Variants in ANKS1B observed in about 807,000 individuals in gnomAD.
ANKS1B encodes ankyrin repeat and sterile alpha motif domain containing 1B, also known as ankyrin repeat and sterile alpha motif domain-containing protein 1B.
In ANKS1B, 36 loss-of-function variants were observed where a neutral mutation model predicts 148.3. The observed-to-expected ratio is 0.24, with a 90% confidence interval of 0.19 to 0.32. ANKS1B has a LOEUF of 0.32. Among genes scored for constraint, ANKS1B ranks in the 10% least tolerant of loss-of-function variants. The pLI is 1.00. For synonymous variants in ANKS1B, 542 were observed against 560.8 expected (o/e 0.97, Z 0.47); for missense variants, 1,157 against 1,542.6 (o/e 0.75, Z 4.19).
chr12:98,982,494 A>G (rs1363236045), intron 17 of ANKS1B, among the ~76,000 whole-genome samples: 2 of 152,178 alleles, frequency 1.3e-5, no homozygotes, highest in Non-Finnish European at 2.9e-5. Flanking sequence ...CTTAGAAATG[A>G]CTACTTCCCT....
In ANKS1B at chr12:98,829,481, G is replaced by A. The variant is rs1210588961; in HGVS notation, c.2887-128C>T. 1.2e-6 allele frequency: 1 copy of A among 807,332 alleles called. No homozygotes were observed. The highest frequency in any genetic ancestry group is 2.0e-6 in the Non-Finnish European group (1 of 509,796). 50.0% of individuals were successfully genotyped at this position (807,332 alleles called of 1,614,324 possible). On this transcript the variant is annotated intron_variant, in intron 18 of 26. Transcript: ENST00000683438. This position sits in a 1 kb window ranked among gnomAD's most constrained non-coding sequence, Gnocchi z 5.2. ...GCTTTTGAAGCAACAGCCAAGGAAT[G>A]AATGACATTCCACCACTTTATTAAT...
chr12:98,949,913 T>C (rs1469597595), intron 17 of ANKS1B: 1 of 152,160 alleles, frequency 6.6e-6, no homozygotes, highest in Non-Finnish European at 1.5e-5. Flanking sequence ...TCTCAAGAGA[T>C]AGCCTCTAGA....
chr12:99,167,734 G>C (rs1419937329), intron 14 of ANKS1B, among the ~76,000 whole-genome samples: 1 of 151,828 alleles, frequency 6.6e-6, no homozygotes, highest in Middle Eastern at 3.2e-3. Context: ...ATGCCATACA[G>C]AGACTTGTAT....
chr12:99,532,754 T>C (rs963326265), intron 9 of ANKS1B, among the ~76,000 whole-genome samples: 2 of 152,232 alleles, frequency 1.3e-5, no homozygotes, highest in African/African-American at 4.8e-5. Flanking sequence ...TATTCCATTT[T>C]CTCAGCACCA....
chr12:98,780,135 A>G (rs1222596816), intron 24 of ANKS1B, among the ~76,000 whole-genome samples: 1 of 152,154 alleles, frequency 6.6e-6, no homozygotes, highest in African/African-American at 2.4e-5. Context: ...CTTGGCCCTA[A>G]GTTGCTGTTT....
intron 14 of ANKS1B, among the ~76,000 whole-genome samples, chr12:99,158,182 G>A (rs1353994129): frequency 6.6e-6 from 1 of 152,144 alleles, no homozygotes; most frequent in Non-Finnish European, 1.5e-5. Context: ...CAGGTCTGAA[G>A]ATCACTCTGT....
chr12:98,798,539 T>C (rs1357285509), intron 22 of ANKS1B, among the ~76,000 whole-genome samples: 1 of 152,132 alleles, frequency 6.6e-6, no homozygotes, highest in Non-Finnish European at 1.5e-5. Context: ...ATTAGCTTTA[T>C]ATAATATGCT....
chr12:99,873,985 CCTTAAAA>C (rs1016108450), intron 1 of ANKS1B, among the ~76,000 whole-genome samples: 1 of 146,946 alleles, frequency 6.8e-6, no homozygotes, highest in Non-Finnish European at 1.5e-5. Flanking sequence ...TGTGCCAATT[CCTTAAAA>C]TAAATAAATC....
intron 8 of ANKS1B, among the ~76,000 whole-genome samples, chr12:99,672,114 C>T (rs2098540986): frequency 6.6e-6 from 1 of 152,026 alleles, no homozygotes; most frequent in African/African-American, 2.4e-5. Context: ...TTAAATCTCC[C>T]TGACCCAGGT....
Position 99,579,348 on chromosome 12 carries a change from T to C in ANKS1B, c.1273-74707A>G, listed in dbSNP as rs187864864. 1.3e-3 allele frequency among the ~76,000 whole-genome samples: 205 copies of C among 152,162 alleles called. 1 individual carries two copies. The highest frequency in any genetic ancestry group is 2.1e-3 in the Non-Finnish European group (142 of 67,980). ...GGAAACAAAAACAATCAAAGATAAG[T>C]GGGATCTAATTAAACTAAAGAGCTT... On this transcript the variant is annotated intron_variant, in intron 9 of 26. Transcript: ENST00000683438.
At chr12:99,072,749 T>C (rs1258883271) in intron 16 of ANKS1B, among the ~76,000 whole-genome samples, 1 of 152,206 alleles carries the variant, frequency 6.6e-6, no homozygotes, top group African/African-American at 2.4e-5. Flanking sequence ...TTTCTGTCCA[T>C]TTCTTGCTTA....
chr12:99,348,776 C>T (rs997986460), intron 12 of ANKS1B, among the ~76,000 whole-genome samples: 2 of 151,800 alleles, frequency 1.3e-5, no homozygotes, highest in African/African-American at 4.8e-5. Context: ...CAGACTGGTA[C>T]TGTAAGAAAT....
chr12:99,340,268 G>A (rs2089676398), intron 12 of ANKS1B, among the ~76,000 whole-genome samples: 4 of 152,030 alleles, frequency 2.6e-5, no homozygotes, highest in Admixed American at 2.6e-4. Flanking sequence ...ACAGAGAGCT[G>A]CTCTCAGTGA....
At chr12:99,957,179 T>C (rs1215544778) in intron 1 of ANKS1B, among the ~76,000 whole-genome samples, 5 of 152,190 alleles carry the variant, frequency 3.3e-5, no homozygotes, top group Non-Finnish European at 5.9e-5. Flanking sequence ...GACTAGAACA[T>C]ACCAGGTGCT....
intron 12 of ANKS1B, among the ~76,000 whole-genome samples, chr12:99,273,632 A>G (rs1473674888): frequency 2.2e-5 from 3 of 133,964 alleles, no homozygotes; most frequent in Non-Finnish European, 4.5e-5. Context: ...GCTGGAGTGC[A>G]GTGGCACAAT....
At chr12:99,110,561 T>C (rs1270794823) in intron 15 of ANKS1B, among the ~76,000 whole-genome samples, 4 of 152,230 alleles carry the variant, frequency 2.6e-5, no homozygotes, top group Non-Finnish European at 5.9e-5. Context: ...TTAATGCTCA[T>C]TTCTTTTGTG....
At chr12:99,202,507 G>T (rs1312517687) in intron 14 of ANKS1B, among the ~76,000 whole-genome samples, 1 of 152,164 alleles carries the variant, frequency 6.6e-6, no homozygotes, top group African/African-American at 2.4e-5. Flanking sequence ...GTTTACTGTT[G>T]CTTTTGTAAC....
chr12:99,379,875 T>C (rs538606632), intron 12 of ANKS1B, among the ~76,000 whole-genome samples: 2 of 152,374 alleles, frequency 1.3e-5, no homozygotes, highest in African/African-American at 4.8e-5. Flanking sequence ...TAATTATGTG[T>C]TCTGAAAGTT....
chr12:98,841,665 G>A (rs1170043911), intron 17 of ANKS1B, among the ~76,000 whole-genome samples: 1 of 152,006 alleles, frequency 6.6e-6, no homozygotes, highest in African/African-American at 2.4e-5. Context: ...TTTCAGCTAC[G>A]TATGGAGGCA....
Sources: allele counts gnomAD v4.1 joint callset (sites outside exome capture counted in the v4.1 genomes callset), GRCh38; gene constraint gnomAD v4.1.1; non-coding constraint Gnocchi (gnomAD v3.1); transcripts MANE v1.5; gene names NCBI Gene and HGNC (gene_info 2026-07-23, HGNC 2026-07-21).